Variants in XPR1 observed in about 807,000 individuals in gnomAD.
The protein encoded by XPR1 is xenotropic and polytropic retrovirus receptor 1.
Under a neutral mutation model 87.5 loss-of-function variants are expected in XPR1, and 28 were observed. That is an observed-to-expected ratio of 0.32 (90% confidence interval 0.24 to 0.44). XPR1 has a LOEUF of 0.44. Among genes scored for constraint, XPR1 ranks in the 20% least tolerant of loss-of-function variants. XPR1 has a pLI of 1.00. For synonymous variants in XPR1, 300 were observed against 306.1 expected (o/e 0.98, Z 0.21); for missense variants, 559 against 862.3 (o/e 0.65, Z 4.41).
At chr1:180,732,518 A>G (rs985283912) in intron 2 of XPR1, among the ~76,000 whole-genome samples, 4 of 152,128 alleles carry the variant, frequency 2.6e-5, no homozygotes, top group Admixed American at 1.3e-4. Context: ...TTGACAAATA[A>G]ATGTTGTTTT....
chr1:180,833,049 G>A (rs1016087985), intron 9 of XPR1, among the ~76,000 whole-genome samples: 13 of 152,252 alleles, frequency 8.5e-5, no homozygotes, highest in South Asian at 4.1e-4. Flanking sequence ...GCAGTGGTTC[G>A]TAGTTCTCTT....
intron 1 of XPR1, among the ~76,000 whole-genome samples, chr1:180,636,717 T>A (rs1654786889): frequency 6.6e-6 from 1 of 151,924 alleles, no homozygotes; most frequent in South Asian, 2.1e-4. Flanking sequence ...CCCAAAGGAG[T>A]GTGCCCAAAA....
chr1:180,817,914 A>G (rs368115804), intron 7 of XPR1, among the ~76,000 whole-genome samples: 2 of 152,024 alleles, frequency 1.3e-5, no homozygotes, highest in East Asian at 3.9e-4. Context: ...TTCTATATGT[A>G]TGTAACACTT....
chr1:180,748,426 T>TTTTTTTTTTTTTTTTTTC, intron 2 of XPR1, among the ~76,000 whole-genome samples: 1 of 105,534 alleles, frequency 9.5e-6, no homozygotes, highest in Middle Eastern at 4.6e-3. Flanking sequence ...TTTTTTTTTT[T>TTTTTTTTTTTTTTTTTTC]TTTTTTTTTG....
chr1:180,659,150 T>TC (rs1442247210), intron 1 of XPR1, among the ~76,000 whole-genome samples: 4 of 120,788 alleles, frequency 3.3e-5, no homozygotes, highest in Non-Finnish European at 6.8e-5. Context: ...TTTCCTTCCT[T>TC]CTTTCCCATC....
At chr1:180,764,879 G>A (rs554794496) in intron 2 of XPR1, among the ~76,000 whole-genome samples, 6 of 148,018 alleles carry the variant, frequency 4.1e-5, no homozygotes, top group South Asian at 2.1e-4. Flanking sequence ...TCCACCTCCC[G>A]GGTTCACGCC....
intron 2 of XPR1, among the ~76,000 whole-genome samples, chr1:180,753,976 A>G (rs1215284839): frequency 2.0e-5 from 3 of 152,148 alleles, no homozygotes; most frequent in Admixed American, 6.5e-5. Flanking sequence ...CTGCTCTTAC[A>G]TCTTTGCAAG....
chr1:180,696,204 GTGTGTATATATATA>G (rs1239190618), intron 2 of XPR1, among the ~76,000 whole-genome samples: 6 of 102,410 alleles, frequency 5.9e-5, no homozygotes, highest in African/African-American at 1.9e-4. Flanking sequence ...GTGTGTGTGT[GTGTGTATATATATA>G]TATATATATA....
chr1:180,838,560 A>G (rs1651387989), intron 11 of XPR1, among the ~76,000 whole-genome samples: 2 of 152,178 alleles, frequency 1.3e-5, no homozygotes, highest in South Asian at 4.1e-4. Context: ...GGCTTAAGAC[A>G]TTTCTTACTG....
intron 7 of XPR1, among the ~76,000 whole-genome samples, chr1:180,818,427 C>A (rs993402138): frequency 6.6e-6 from 1 of 151,698 alleles, no homozygotes; most frequent in Non-Finnish European, 1.5e-5. Context: ...AGGGTTATTA[C>A]ATCCTTGTGA....
At chr1:180,744,559 G>C (rs1253396018) in intron 2 of XPR1, among the ~76,000 whole-genome samples, 1 of 151,696 alleles carries the variant, frequency 6.6e-6, no homozygotes, top group Non-Finnish European at 1.5e-5. Context: ...ATTGTATCTT[G>C]GGCATTTTGG....
intron 2 of XPR1, among the ~76,000 whole-genome samples, chr1:180,782,421 A>G (rs1187397401): frequency 6.6e-6 from 1 of 151,974 alleles, no homozygotes; most frequent in Non-Finnish European, 1.5e-5. Context: ...ATTCAGGCAG[A>G]ATTCGTTTCT....
At chr1:180,880,884 A>G (rs1034331263) in intron 14 of XPR1, among the ~76,000 whole-genome samples, 13 of 152,218 alleles carry the variant, frequency 8.5e-5, no homozygotes, top group Non-Finnish European at 1.6e-4. Flanking sequence ...AAAAGTTACC[A>G]TAAATGTACA....
At chr1:180,636,161 T>G (rs758569488) in intron 1 of XPR1, among the ~76,000 whole-genome samples, 3 of 152,224 alleles carry the variant, frequency 2.0e-5, no homozygotes, top group Non-Finnish European at 4.4e-5. Flanking sequence ...TTAACGATTT[T>G]CATTTATAGA....
chr1:180,839,880 A>G (rs1402468325), intron 11 of XPR1, among the ~76,000 whole-genome samples: 2 of 152,238 alleles, frequency 1.3e-5, no homozygotes, highest in Non-Finnish European at 2.9e-5. Flanking sequence ...TTTGTTATGC[A>G]TACCAAAGTT....
intron 3 of XPR1, among the ~76,000 whole-genome samples, chr1:180,799,529 T>TCAGAAGG (rs879473375): frequency 1.3e-5 from 2 of 152,210 alleles, no homozygotes; most frequent in Non-Finnish European, 2.9e-5. Flanking sequence ...AGTTCCTTGA[T>TCAGAAGG]CAGAAGCAAG....
chr1:180,786,449 A>G lies in XPR1; in HGVS notation c.122-1304A>G, dbSNP rs145970286. Among the ~76,000 whole-genome samples, 38 of 152,250 alleles carry G rather than the reference A, an allele frequency of 2.5e-4. No individual in the cohort carries two copies. In the East Asian group the frequency reaches 7.3e-3, roughly 29 times the overall value. On this transcript the variant is annotated intron_variant, in intron 2 of 14. Transcript: ENST00000367590. ...TACTTTTTCTACACTTTTCAATCTT[A>G]GAGTACCTTAGAGATCCAGGAATAG...
At chr1:180,637,382 A>G (rs976137331) in intron 1 of XPR1, among the ~76,000 whole-genome samples, 1 of 152,220 alleles carries the variant, frequency 6.6e-6, no homozygotes, top group African/African-American at 2.4e-5. Context: ...TAAAGATTCC[A>G]TAACAGTAAT....
intron 3 of XPR1, among the ~76,000 whole-genome samples, chr1:180,799,673 C>G (rs576119183): frequency 4.6e-5 from 7 of 152,122 alleles, no homozygotes; most frequent in Non-Finnish European, 8.8e-5. Flanking sequence ...TGCCCACTGC[C>G]TAATAGAAGG....
Sources: gnomAD v4.1 joint callset for allele counts (sites outside exome capture counted in the v4.1 genomes callset) on GRCh38, gnomAD v4.1.1 for gene constraint, MANE v1.5 for transcripts, NCBI Gene and HGNC (gene_info 2026-07-23, HGNC 2026-07-21) for gene names.